NCKAP5: variants seen among roughly 807,000 people sequenced by gnomAD.
NCKAP5 encodes the protein NCK associated protein 5.
NCKAP5 carries 92 observed loss-of-function variants against 167.0 expected under a neutral mutation model. That is an observed-to-expected ratio of 0.55 (90% confidence interval 0.47 to 0.66). The LOEUF is 0.66. NCKAP5 is among the 30% of genes least tolerant of loss of function. NCKAP5 has a pLI of 0.00. For missense variants in NCKAP5, 2,378 were observed against 2,315.0 expected (o/e 1.03, Z -0.56); for synonymous variants, 891 against 877.4 (o/e 1.02, Z -0.27).
At chr2:133,143,991 C>A (rs963717907) in intron 5 of NCKAP5, among the ~76,000 whole-genome samples, 19 of 152,062 alleles carry the variant, frequency 1.2e-4, no homozygotes, top group Admixed American at 4.6e-4. Flanking sequence ...CCAACTGATG[C>A]ATTTAAGCCT....
At chr2:132,730,269 G>A (rs1380218642) in intron 17 of NCKAP5, among the ~76,000 whole-genome samples, 4 of 152,148 alleles carry the variant, frequency 2.6e-5, no homozygotes, top group Admixed American at 1.3e-4. Flanking sequence ...CAAGGCAGGC[G>A]GATCACCTGA....
At chr2:132,947,566 C>A (rs574554673) in intron 8 of NCKAP5, among the ~76,000 whole-genome samples, 2 of 152,170 alleles carry the variant, frequency 1.3e-5, no homozygotes, top group South Asian at 4.2e-4. Flanking sequence ...TTTAGCAGGG[C>A]CCCTCTGCTT....
intron 19 of NCKAP5, among the ~76,000 whole-genome samples, chr2:132,699,374 C>A (rs552155877): frequency 2.1e-4 from 32 of 152,178 alleles, no homozygotes; most frequent in African/African-American, 7.7e-4. Flanking sequence ...TACATGTGCA[C>A]AATGTGCAGG....
chr2:133,387,081 T>C (rs1203286160), intron 3 of NCKAP5, among the ~76,000 whole-genome samples: 1 of 152,220 alleles, frequency 6.6e-6, no homozygotes, highest in African/African-American at 2.4e-5. Context: ...AATTTGATCC[T>C]GTCATTATGA....
At chr2:132,714,658 A>G (rs1192776397) in intron 19 of NCKAP5, among the ~76,000 whole-genome samples, 2 of 152,010 alleles carry the variant, frequency 1.3e-5, no homozygotes, top group East Asian at 3.9e-4. Flanking sequence ...TCTCTACTAA[A>G]AATACAAAAT....
intron 11 of NCKAP5, among the ~76,000 whole-genome samples, chr2:132,840,360 C>T (rs1243189919): frequency 6.6e-6 from 1 of 150,736 alleles, no homozygotes; most frequent in African/African-American, 2.4e-5. Context: ...ACTGCAACCT[C>T]CACCTCCCGG....
chr2:132,954,741 C>T, intron 8 of NCKAP5: 1 of 447,658 alleles, frequency 2.2e-6, no homozygotes, highest in South Asian at 1.6e-5. Context: ...TGCTGAAATG[C>T]CAATTCCAGC....
At chr2:133,452,103 A>G (rs1691585020) in intron 3 of NCKAP5, among the ~76,000 whole-genome samples, 1 of 152,186 alleles carries the variant, frequency 6.6e-6, no homozygotes, top group African/African-American at 2.4e-5. Flanking sequence ...TAATATTTCA[A>G]TTATCTGAGA....
chr2:133,285,301 C>A (rs991695675), intron 4 of NCKAP5, among the ~76,000 whole-genome samples: 24 of 152,216 alleles, frequency 1.6e-4, no homozygotes, highest in Non-Finnish European at 2.1e-4. Context: ...ACCAATGTGA[C>A]AAAGATGAAT....
intron 14 of NCKAP5, 25 bp downstream of exon 14, chr2:132,781,915 G>A: frequency 6.3e-7 from 1 of 1,590,416 alleles, no homozygotes; most frequent in Non-Finnish European, 8.6e-7. Flanking sequence ...CCTCTACATT[G>A]CTACCTGCTT....
At chr2:133,220,231 A>T (rs1411726263) in intron 4 of NCKAP5, among the ~76,000 whole-genome samples, 1 of 152,250 alleles carries the variant, frequency 6.6e-6, no homozygotes, top group Non-Finnish European at 1.5e-5. Context: ...GTAGCTCATT[A>T]TGAAGTGGGT....
At chr2:133,659,602 A>G in the NCKAP5 span, among the ~76,000 whole-genome samples, 1 of 152,210 alleles carries the variant, frequency 6.6e-6, no homozygotes, top group South Asian at 2.1e-4. Flanking sequence ...CGCATATCTG[A>G]AAAGGGCTTA....
chr2:133,410,504 T>C (rs944154992), intron 3 of NCKAP5, among the ~76,000 whole-genome samples: 3 of 152,222 alleles, frequency 2.0e-5, no homozygotes, highest in African/African-American at 4.8e-5. Context: ...TGTCATGTAT[T>C]GGTTCAATCC....
At chr2:133,139,586 A>G (rs1241856004) in intron 5 of NCKAP5, among the ~76,000 whole-genome samples, 1 of 152,202 alleles carries the variant, frequency 6.6e-6, no homozygotes, top group African/African-American at 2.4e-5. Context: ...TGATTCTGAA[A>G]TGATTGGGAG....
chr2:133,402,695 C>T (rs1039818197), intron 3 of NCKAP5, among the ~76,000 whole-genome samples: 1 of 152,120 alleles, frequency 6.6e-6, no homozygotes, highest in Non-Finnish European at 1.5e-5. Flanking sequence ...CTCTCTCTTG[C>T]TTTCTCTCTC....
At chr2:133,018,060 C>A (rs2078402468) in intron 6 of NCKAP5, among the ~76,000 whole-genome samples, 1 of 152,156 alleles carries the variant, frequency 6.6e-6, no homozygotes, top group South Asian at 2.1e-4. Flanking sequence ...TTCATCCTAG[C>A]AACCCCTCAA....
chr2:133,420,740 A>G (rs1163654212), intron 3 of NCKAP5, among the ~76,000 whole-genome samples: 2 of 152,200 alleles, frequency 1.3e-5, no homozygotes, highest in Non-Finnish European at 2.9e-5. Context: ...CAAGCCTCAC[A>G]GCAAACCGCC....
the NCKAP5 span, among the ~76,000 whole-genome samples, chr2:133,581,962 A>T: frequency 6.6e-6 from 1 of 152,214 alleles, no homozygotes; most frequent in African/African-American, 2.4e-5. Context: ...GATCAAGAGG[A>T]TGTATACTCA....
At chr2:133,443,027 A>G (rs1330428488) in intron 3 of NCKAP5, among the ~76,000 whole-genome samples, 1 of 152,250 alleles carries the variant, frequency 6.6e-6, no homozygotes, top group Non-Finnish European at 1.5e-5. Flanking sequence ...TCCACAAAAC[A>G]TATTTGCCAA....
Sources: gnomAD v4.1 joint callset for allele counts (sites outside exome capture counted in the v4.1 genomes callset) on GRCh38, gnomAD v4.1.1 for gene constraint, MANE v1.5 for transcripts, NCBI Gene and HGNC (gene_info 2026-07-23, HGNC 2026-07-21) for gene names.